Variants in SPATA16 observed in about 807,000 individuals in gnomAD.
SPATA16 encodes the protein spermatogenesis associated 16.
A neutral mutation model predicts 63.3 loss-of-function variants in SPATA16; 36 were observed. The observed-to-expected ratio is 0.57, with a 90% CI of 0.44 to 0.75. The LOEUF is 0.75. SPATA16 is among the 30% of genes least tolerant of loss of function. The probability of loss-of-function intolerance (pLI) is 0.00; values close to 1 mark genes in which losing one functional copy is unlikely to be tolerated. For missense variants in SPATA16, 646 were observed against 679.3 expected, an observed-to-expected ratio of 0.95 and a Z score of 0.54; for synonymous variants, 203 against 216.7, an observed-to-expected ratio of 0.94 and a Z score of 0.56.
chr3:172,916,394 G>C lies in SPATA16; in HGVS notation c.1426C>G (p.Gln476Glu), dbSNP rs1218361558. 1 of 1,613,870 alleles carries C rather than the reference G, an allele frequency of 6.2e-7. No homozygotes were observed. Among genetic ancestry groups the C allele is most frequent in the East Asian group, 2.2e-5 (1 of 44,874 alleles). Residue 476 changes from glutamine (Q) to glutamate (E), a missense_variant, in exon 9 of 11, where the codon CAG (glutamine) becomes GAG (glutamate). Transcript: ENST00000351008. Reference protein sequence around the residue: ...SQLQRVKEQSQVINQAMAELA... With the variant: ...SQLQRVKEQSEVINQAMAELA... The stretch of plus-strand genomic sequence containing the variant: ...TCTGCCATTGCTTGATTAATCACCT[G>C]GGACTGCTCCTTTACTCTCTGCAGC...
intron 3 of SPATA16, among the ~76,000 whole-genome samples, chr3:173,033,973 G>A (rs1362527121): frequency 6.6e-6 from 1 of 152,104 alleles, no homozygotes; most frequent in African/African-American, 2.4e-5. Context: ...CCAAAGAGCT[G>A]GGATTACAGG....
chr3:172,961,069 T>TCTTCCTTCCTTCCTTCCTTCCTTCCTTC (rs770794784), intron 5 of SPATA16, among the ~76,000 whole-genome samples: 1 of 72,346 alleles, frequency 1.4e-5, no homozygotes, highest in Non-Finnish European at 2.6e-5. Flanking sequence ...CTTTCTTCTT[T>TCTTCCTTCCTTCCTTCCTTCCTTCCTTC]CTTCCTTCCT....
At chr3:172,993,063 T>TCC (rs1007124255) in intron 4 of SPATA16, among the ~76,000 whole-genome samples, 3 of 152,066 alleles carry the variant, frequency 2.0e-5, no homozygotes, top group African/African-American at 7.2e-5. Context: ...AATTCTCTTA[T>TCC]CCCCCAGTGG....
chr3:172,934,433 G>A (rs1036746689), intron 6 of SPATA16, among the ~76,000 whole-genome samples: 1 of 152,026 alleles, frequency 6.6e-6, no homozygotes, highest in African/African-American at 2.4e-5. Flanking sequence ...TATACAAAAT[G>A]TATTTTATAA....
Position 172,976,996 on chromosome 3 carries a change from A to G in SPATA16, c.905T>C (p.Ile302Thr), listed in dbSNP as rs372621493. ...CCAATACAGTTTGATGAGCTTGCTTATGCTCTCTTCCCTTCCTCCACCAAG... is the reference window on the plus strand; with the variant it reads ...CCAATACAGTTTGATGAGCTTGCTTGTGCTCTCTTCCCTTCCTCCACCAAG... ...FWLGGGREESISKLIKLYWQA... is the reference protein window; with the variant it reads ...FWLGGGREESTSKLIKLYWQA... The change falls in exon 5 of 11, where the codon ATA becomes ACA. Residue 302 changes from isoleucine (I) to threonine (T), a missense_variant. Ile to Thr is a moderately conservative substitution (Grantham distance 89). Coordinates refer to ENST00000351008, the MANE Select transcript of SPATA16 (RefSeq NM_031955.6). The G allele has an allele frequency of 3.3e-5, 53 of 1,612,238 alleles. No individual in the cohort carries two copies. The highest frequency in any genetic ancestry group is 4.4e-5 in the Non-Finnish European group (52 of 1,179,424).
At position 172,938,175 on chromosome 3, in the gene SPATA16, C is replaced by T. The variant is rs921460254; in HGVS notation, c.1082-12683G>A. Among the ~76,000 whole-genome samples, 8 of 152,280 alleles carry T rather than the reference C, an allele frequency of 5.3e-5. No homozygotes were observed. The East Asian group carries it at 1.4e-3, about 26-fold the overall frequency. On this transcript the variant is annotated intron_variant, in intron 6 of 10. Transcript: ENST00000351008. Reference sequence around the variant, plus strand: ...GGAGCAACAGTTCTTATGAAATTTGCTTTCTCAGCTTCCCTTCATGGGTCT... The same window carrying T: ...GGAGCAACAGTTCTTATGAAATTTGTTTTCTCAGCTTCCCTTCATGGGTCT...
intron 2 of SPATA16, among the ~76,000 whole-genome samples, chr3:173,076,626 G>A (rs1736810630): frequency 6.6e-6 from 1 of 151,592 alleles, no homozygotes; most frequent in South Asian, 2.1e-4. Flanking sequence ...AGCCACTCAG[G>A]GATAATAAAA....
intron 2 of SPATA16, among the ~76,000 whole-genome samples, chr3:173,065,294 T>C (rs1427563674): frequency 6.6e-6 from 1 of 151,958 alleles, no homozygotes; most frequent in Non-Finnish European, 1.5e-5. Flanking sequence ...TGAGGACCTA[T>C]AGTTTTGTGG....
At chr3:173,088,752 G>A (rs1737149488) in intron 2 of SPATA16, among the ~76,000 whole-genome samples, 1 of 152,116 alleles carries the variant, frequency 6.6e-6, no homozygotes, top group African/African-American at 2.4e-5. Flanking sequence ...GATGTCCTAG[G>A]TACAAAGTGC....
intron 8 of SPATA16, among the ~76,000 whole-genome samples, chr3:172,917,293 C>T (rs565105116): frequency 1.9e-4 from 29 of 152,244 alleles, no homozygotes; most frequent in African/African-American, 6.7e-4. Flanking sequence ...TCATGAAATT[C>T]TTAAGTTTAT....
intron 10 of SPATA16, among the ~76,000 whole-genome samples, chr3:172,897,668 G>A (rs1732035241): frequency 6.6e-6 from 1 of 151,934 alleles, no homozygotes; most frequent in South Asian, 2.1e-4. Flanking sequence ...TTTTTTGGGG[G>A]GATTTTTATG....
At chr3:173,014,003 A>T (rs949004941) in intron 4 of SPATA16, among the ~76,000 whole-genome samples, 1 of 152,062 alleles carries the variant, frequency 6.6e-6, no homozygotes, top group African/African-American at 2.4e-5. Flanking sequence ...CTTTCTTTTT[A>T]ATTTTGTTTT....
chr3:172,924,882 A>G (rs753632282), intron 7 of SPATA16, among the ~76,000 whole-genome samples: 3 of 152,220 alleles, frequency 2.0e-5, no homozygotes, highest in African/African-American at 4.8e-5. Context: ...GACTCGGATT[A>G]CTGAACACCA....
intron 2 of SPATA16, among the ~76,000 whole-genome samples, chr3:173,065,514 C>T (rs116951481): frequency 8.7e-4 from 133 of 152,300 alleles, no homozygotes; most frequent in East Asian, 8.7e-3. Flanking sequence ...ACTACCCACA[C>T]AGGAAATCAC....
chr3:173,076,079 A>C (rs1736794901), intron 2 of SPATA16, among the ~76,000 whole-genome samples: 1 of 152,192 alleles, frequency 6.6e-6, no homozygotes, highest in Non-Finnish European at 1.5e-5. Flanking sequence ...AAAAATAAAA[A>C]GTAAACAAGA....
intron 6 of SPATA16, among the ~76,000 whole-genome samples, chr3:172,931,983 T>C (rs1732882327): frequency 6.6e-6 from 1 of 152,174 alleles, no homozygotes; most frequent in Admixed American, 6.6e-5. Flanking sequence ...AGAGTTTGGC[T>C]TAGTGCAACC....
At chr3:173,011,777 AG>A (rs1445993636) in intron 4 of SPATA16, among the ~76,000 whole-genome samples, 2 of 152,226 alleles carry the variant, frequency 1.3e-5, no homozygotes, top group East Asian at 3.8e-4. Context: ...TACAAAAATC[AG>A]TAGCATTCTT....
rs184635187 is a variant in SPATA16 at position 172,925,750 on chromosome 3, C to T, written c.1082-258G>A. 4.6e-5 allele frequency among the ~76,000 whole-genome samples: 7 copies of T among 152,222 alleles called. No individual in the cohort carries two copies. The East Asian group carries it at 7.7e-4, about 17-fold the overall frequency. ...GCTAGATCACATGGTCATCTTTCCT[C>T]GTCTTCAGAATAATAGACATTCAGG... On this transcript the variant is annotated intron_variant, in intron 6 of 10. Coordinates refer to ENST00000351008, the MANE Select transcript of SPATA16 (RefSeq NM_031955.6).
chr3:173,027,450 G>T (rs2669175), intron 3 of SPATA16, among the ~76,000 whole-genome samples: 37,720 of 151,710 alleles, frequency 0.25, 7,226 homozygotes, highest in African/African-American at 0.53. Flanking sequence ...AGTACCATTT[G>T]TTGTTGTTGC....
Sources: gnomAD v4.1 joint callset for allele counts (sites outside exome capture counted in the v4.1 genomes callset) on GRCh38, gnomAD v4.1.1 for gene constraint, MANE v1.5 for transcripts, NCBI Gene and HGNC (gene_info 2026-07-23, HGNC 2026-07-21) for gene names.